RNPS1: variants seen among roughly 807,000 people sequenced by gnomAD.
RNPS1 encodes the protein RNA-binding protein with serine-rich domain 1.
For missense variants in RNPS1, 300 were observed against 427.6 expected (o/e 0.70, Z 2.63); for synonymous variants, 147 against 150.0 (o/e 0.98, Z 0.15).
intron 6 of RNPS1, chr16:2,258,589 GTGGCGGGAGCC>G (rs2093588823): frequency 6.6e-6 from 1 of 152,246 alleles, no homozygotes; most frequent in East Asian, 1.9e-4. Context: ...GCCAGGTGTG[GTGGCGGGAGCC>G]TGTAATCCCA....
At position 2,264,563 on chromosome 16, in the gene RNPS1, G is replaced by A; in HGVS notation, c.71+10C>T. The stretch of plus-strand genomic sequence containing the variant: ...CAAGTAGCACTAGAAAAATCTTACA[G>A]AAGGATTACCTAGTGCTGGACTTTT... On this transcript the variant is annotated intron_variant, in intron 2 of 7. Coordinates refer to ENST00000320225, the MANE Select transcript of RNPS1 (RefSeq NM_080594.4). 6.2e-7 allele frequency: 1 copy of A among 1,612,404 alleles called. No homozygotes were observed. Among genetic ancestry groups the A allele is most frequent in the Non-Finnish European group, 8.5e-7 (1 of 1,178,946 alleles).
intron 6 of RNPS1, among the ~76,000 whole-genome samples, chr16:2,261,593 G>C (rs1463827448): frequency 6.6e-6 from 1 of 152,238 alleles, no homozygotes; most frequent in Non-Finnish European, 1.5e-5. Flanking sequence ...TCTGTAACAA[G>C]TGTTTTAGTA....
At chr16:2,259,069 G>A (rs1048706562) in intron 6 of RNPS1, among the ~76,000 whole-genome samples, 3 of 147,308 alleles carry the variant, frequency 2.0e-5, no homozygotes, top group Non-Finnish European at 3.0e-5. Flanking sequence ...GTTGCAGTGA[G>A]CCAAGATTGC....
intron 6 of RNPS1, chr16:2,257,297 C>T (rs1050319536): frequency 2.0e-5 from 3 of 152,122 alleles, no homozygotes; most frequent in Non-Finnish European, 2.9e-5. Context: ...TCTCAACTAC[C>T]TTTAAGGCAC....
At chr16:2,262,128 G>A (rs999039144) in intron 6 of RNPS1, 150 bp downstream of exon 6, 1 of 698,522 alleles carries the variant, frequency 1.4e-6, no homozygotes, top group Non-Finnish European at 2.3e-6. Context: ...CCTCAGTTTG[G>A]TCCAGGAACT....
chr16:2,266,410 T>C, intron 1 of RNPS1: 4 of 985,326 alleles, frequency 4.1e-6, no homozygotes, highest in Non-Finnish European at 4.8e-6. Flanking sequence ...ATTCAGAGTA[T>C]AATTTAGAGT....
chr16:2,267,921 C>G, intron 1 of RNPS1, 134 bp downstream of exon 1: 6 of 1,530,114 alleles, frequency 3.9e-6, no homozygotes, highest in East Asian at 2.4e-5. Flanking sequence ...TCTTTCTTCT[C>G]GGAGCCCGCA....
chr16:2,267,968 G>A, intron 1 of RNPS1, 87 bp downstream of exon 1: 2 of 1,533,326 alleles, frequency 1.3e-6, no homozygotes, highest in South Asian at 1.2e-5. Context: ...GCGGGGCTGA[G>A]GAGTGGACCG....
chr16:2,253,684 C>G lies in RNPS1; in HGVS notation c.*280G>C. ...GGTCAAACCACCCCCAAGAGCCTCA[C>G]TTTTCCCTGGTGGCTCTGCCACTGA... is the stretch of plus-strand genomic sequence containing the variant. On this transcript the variant is annotated 3_prime_UTR_variant, in exon 8 of 8. Transcript: ENST00000320225. 1.8e-6 allele frequency: 1 copy of G among 561,270 alleles called. No individual in the cohort carries two copies. The highest frequency in any genetic ancestry group is 3.2e-5 in the East Asian group (1 of 31,152). 34.8% of individuals were successfully genotyped at this position (561,270 alleles called of 1,614,324 possible).
rs749613992 is a variant in RNPS1, at chr16:2,262,821, A to G, written c.441T>C (p.Asp147=). The G allele has an allele frequency of 6.2e-7, 1 of 1,613,916 alleles. No homozygotes were observed. The highest frequency in any genetic ancestry group is 8.5e-7 in the Non-Finnish European group (1 of 1,179,934). The part of the protein sequence containing the change: ...SRSKSKPPKR[D]EKERKRRSPS... ...GGCTCCGCCTTTTCCTCTCCTTTTC[A>G]TCTCTTTTAGGTGGTTTGGATCTGA... Residue 147 remains aspartate, a synonymous_variant, in exon 5 of 8, where the codon GAT becomes GAC. Transcript: ENST00000320225.
chr16:2,254,309 T>C (rs2093566827), intron 7 of RNPS1, among the ~76,000 whole-genome samples: 1 of 152,094 alleles, frequency 6.6e-6, no homozygotes, highest in South Asian at 2.1e-4. Context: ...CTAATTTTTG[T>C]GTGTGTATAT....
chr16:2,259,311 A>G (rs2093592215), intron 6 of RNPS1, among the ~76,000 whole-genome samples: 1 of 152,182 alleles, frequency 6.6e-6, no homozygotes, highest in African/African-American at 2.4e-5. Context: ...TAAAACTCCT[A>G]CAATTGCAAT....
At chr16:2,256,079 C>T (rs1363192864) in intron 6 of RNPS1, 8 of 250,740 alleles carry the variant, frequency 3.2e-5, no homozygotes, top group Non-Finnish European at 5.5e-5. Flanking sequence ...AAGCAGAGAT[C>T]GTGCCACTAC....
intron 3 of RNPS1, 53 bp downstream of exon 3, chr16:2,264,123 G>A: frequency 4.4e-6 from 7 of 1,596,974 alleles, no homozygotes; most frequent in Non-Finnish European, 4.3e-6. Flanking sequence ...GTGGGGAGTG[G>A]GGGTGTAGCT....
At chr16:2,264,923 G>A in intron 1 of RNPS1, 163 bp from the exon 2 acceptor site, 3 of 408,452 alleles carry the variant, frequency 7.3e-6, no homozygotes, top group Non-Finnish European at 1.3e-5. Context: ...ATGTGCTCCT[G>A]GAGGCGTCTC....
At chr16:2,263,703 C>T (rs910707742) in intron 3 of RNPS1, among the ~76,000 whole-genome samples, 2 of 152,094 alleles carry the variant, frequency 1.3e-5, no homozygotes, top group African/African-American at 4.8e-5. Context: ...GCTTCAACCC[C>T]CTGGAATCAA....
intron 6 of RNPS1, chr16:2,256,455 G>A (rs1369646484): frequency 2.0e-5 from 3 of 152,566 alleles, no homozygotes; most frequent in East Asian, 1.9e-4. Context: ...CTACTCGGGA[G>A]GCTGAGGCAA....
rs1181354347 is a variant in RNPS1 at position 2,253,782 on chromosome 16, G to A, written c.*182C>T. ...CGGAGGGAATCTTGACAGGCACACA[G>A]CATCCAAACCAACAGCACTTCTGCA... On this transcript the variant is annotated 3_prime_UTR_variant, in exon 8 of 8. Transcript: ENST00000320225. 5 of 707,586 alleles carry A rather than the reference G, an allele frequency of 7.1e-6. No homozygotes were observed. The highest frequency in any genetic ancestry group is 1.5e-5 in the South Asian group (1 of 66,198). The allele number at this position is 707,586 out of a possible 1,614,324, so 43.8% of individuals were successfully genotyped here.
chr16:2,255,316 T>A (rs986957974), intron 7 of RNPS1, among the ~76,000 whole-genome samples: 1 of 152,200 alleles, frequency 6.6e-6, no homozygotes, highest in African/African-American at 2.4e-5. Flanking sequence ...GCACCTGGGC[T>A]CACAGGTCTA....
Sources: gnomAD v4.1 joint callset for allele counts (sites outside exome capture counted in the v4.1 genomes callset) on GRCh38, gnomAD v4.1.1 for gene constraint, MANE v1.5 for transcripts, NCBI Gene and HGNC (gene_info 2026-07-23, HGNC 2026-07-21) for gene names.